The following CARMIL1 variants were observed in gnomAD, a reference collection of about 807,000 sequenced individuals.
CARMIL1 encodes capping protein regulator and myosin 1 linker 1.
CARMIL1 carries 90 observed loss-of-function variants against 177.1 expected under a neutral mutation model. The ratio of observed to expected loss-of-function variants is 0.51; its 90% CI spans 0.43 to 0.61. The LOEUF (loss-of-function observed/expected upper bound fraction) is 0.61. Ranked by LOEUF, CARMIL1 falls within the 20% of genes least tolerant of loss-of-function variation. The pLI is 0.00. For missense variants in CARMIL1, 1,380 were observed against 1,667.0 expected (o/e 0.83, Z 3.00); for synonymous variants, 577 against 606.2 (o/e 0.95, Z 0.71).
chr6:25,480,475 TTTAG>T lies in CARMIL1; in HGVS notation c.875-1776_875-1773del, dbSNP rs973811695. Among the ~76,000 whole-genome samples, 3 of 151,814 alleles carry T rather than the reference TTTAG, an allele frequency of 2.0e-5. 1 individual carries two copies. Among genetic ancestry groups the T allele is most frequent in the Admixed American group, 6.6e-5 (1 of 15,262 alleles). ...CTTATTGCAGCTACATCAGATTTCTTTTAGTTAGTGTTTGTAGCATATCTTTTTT... is the reference window on the plus strand; with the variant it reads ...CTTATTGCAGCTACATCAGATTTCTTTTAGTGTTTGTAGCATATCTTTTTT... On this transcript the variant is annotated intron_variant, in intron 11 of 36. Coordinates refer to ENST00000329474, the MANE Select transcript of CARMIL1 (RefSeq NM_017640.6).
At chr6:25,473,121 T>G (rs186219673) in intron 11 of CARMIL1, among the ~76,000 whole-genome samples, 1 of 152,334 alleles carries the variant, frequency 6.6e-6, no homozygotes, top group African/African-American at 2.4e-5. Flanking sequence ...CACAGAAGTT[T>G]GCTTTGTGTG....
chr6:25,513,574 T>C (rs1805659931), intron 20 of CARMIL1, among the ~76,000 whole-genome samples: 1 of 152,256 alleles, frequency 6.6e-6, no homozygotes, highest in South Asian at 2.1e-4. Context: ...AATGATGCTT[T>C]GTTGATATCT....
At chr6:25,434,692 C>G (rs1365306387) in intron 4 of CARMIL1, among the ~76,000 whole-genome samples, 2 of 151,584 alleles carry the variant, frequency 1.3e-5, no homozygotes, top group East Asian at 3.9e-4. Flanking sequence ...CATTACCACA[C>G]CTAGCTAATT....
At chr6:25,595,686 C>T (rs567727503) in intron 32 of CARMIL1, among the ~76,000 whole-genome samples, 45 of 152,240 alleles carry the variant, frequency 3.0e-4, no homozygotes, top group Non-Finnish European at 3.7e-4. Context: ...TTAAAGCCCA[C>T]GGAATCCTTT....
chr6:25,311,214 C>T (rs1240882522), intron 2 of CARMIL1, among the ~76,000 whole-genome samples: 3 of 151,930 alleles, frequency 2.0e-5, no homozygotes, highest in South Asian at 2.1e-4. Flanking sequence ...AAAACCATGA[C>T]GGGTTGAACG....
At chr6:25,363,383 C>A (rs1361679621) in intron 2 of CARMIL1, among the ~76,000 whole-genome samples, 2 of 133,614 alleles carry the variant, frequency 1.5e-5, no homozygotes, top group East Asian at 4.2e-4. Context: ...AAAGGCTGTT[C>A]TACACCACGG....
intron 31 of CARMIL1, among the ~76,000 whole-genome samples, chr6:25,583,973 G>GTGACTCA (rs1813380019): frequency 6.6e-6 from 1 of 151,118 alleles, no homozygotes; most frequent in Non-Finnish European, 1.5e-5. Context: ...GATAAAACTG[G>GTGACTCA]TGACTCATGG....
chr6:25,435,368 A>G (rs535751405), intron 4 of CARMIL1, 115 bp from the exon 5 acceptor site: 495 of 1,207,182 alleles, frequency 4.1e-4, no homozygotes, highest in Middle Eastern at 1.6e-3. Context: ...AGAAAAAAAA[A>G]GCTAATATTG....
intron 27 of CARMIL1, 124 bp downstream of exon 27, chr6:25,551,209 G>T: frequency 1.5e-6 from 1 of 684,368 alleles, no homozygotes; most frequent in East Asian, 2.6e-5. Flanking sequence ...TTAATAGGCA[G>T]AAACTGTATA....
chr6:25,351,503 T>C (rs1157543859), intron 2 of CARMIL1, among the ~76,000 whole-genome samples: 1 of 152,240 alleles, frequency 6.6e-6, no homozygotes, highest in Non-Finnish European at 1.5e-5. Flanking sequence ...GTGGAGAGAC[T>C]GAAAATCGTA....
intron 2 of CARMIL1, among the ~76,000 whole-genome samples, chr6:25,342,095 A>G (rs1787005795): frequency 1.3e-5 from 2 of 152,180 alleles, no homozygotes; most frequent in Admixed American, 1.3e-4. Flanking sequence ...CCACATTTAG[A>G]AGAATGTAGG....
rs544092728 is a variant in CARMIL1, at chr6:25,468,196, ATT to A, written c.690+2252_690+2253del. Among the ~76,000 whole-genome samples the A allele has an allele frequency of 2.3e-4, 33 of 141,808 alleles. No homozygotes were observed. The South Asian group carries it at 5.7e-3, about 25-fold the overall frequency. The allele number at this position is 141,808 out of a possible 152,430, so 93.0% of individuals were successfully genotyped here. A position where few individuals can be genotyped will look rare whatever the true frequency, so the allele number is the denominator to read the frequency against. The stretch of plus-strand genomic sequence containing the variant: ...TCACTATTTCTAATTTGAGTCAAGG[ATT>A]TTTAAAAAAAAAAATGGTACCGAAT... On this transcript the variant is annotated intron_variant, in intron 9 of 36. Coordinates refer to ENST00000329474, the MANE Select transcript of CARMIL1 (RefSeq NM_017640.6).
At chr6:25,339,138 A>G (rs1336397425) in intron 2 of CARMIL1, among the ~76,000 whole-genome samples, 1 of 152,202 alleles carries the variant, frequency 6.6e-6, no homozygotes, top group Non-Finnish European at 1.5e-5. Context: ...TGTTACCTGT[A>G]TTATGGACAG....
At chr6:25,593,694 A>G (rs1814543043) in intron 31 of CARMIL1, among the ~76,000 whole-genome samples, 1 of 152,122 alleles carries the variant, frequency 6.6e-6, no homozygotes, top group Non-Finnish European at 1.5e-5. Flanking sequence ...GGGCCTCCCC[A>G]TTTGGTGAAT....
intron 13 of CARMIL1, among the ~76,000 whole-genome samples, chr6:25,490,739 AAATAAATAAAT>A (rs948877120): frequency 4.0e-5 from 5 of 126,066 alleles, no homozygotes; most frequent in African/African-American, 8.3e-5. Flanking sequence ...ATAAATAAAT[AAATAAATAAAT>A]AAAAAAAAAT....
intron 24 of CARMIL1, among the ~76,000 whole-genome samples, chr6:25,533,884 G>A (rs1404237359): frequency 4.6e-5 from 7 of 151,958 alleles, no homozygotes. Flanking sequence ...GGCCTTCTGA[G>A]ATATCAGTCA....
At chr6:25,550,566 T>C (rs895400936) in intron 26 of CARMIL1, among the ~76,000 whole-genome samples, 1 of 152,156 alleles carries the variant, frequency 6.6e-6, no homozygotes, top group African/African-American at 2.4e-5. Flanking sequence ...AAACAAGTTC[T>C]TGTGGTAAGG....
At chr6:25,562,357 C>T (rs1483808150) in intron 29 of CARMIL1, among the ~76,000 whole-genome samples, 2 of 151,928 alleles carry the variant, frequency 1.3e-5, no homozygotes, top group Non-Finnish European at 2.9e-5. Context: ...AAGCAATTGT[C>T]CTGCCTCAGC....
At chr6:25,350,485 A>C (rs1204179504) in intron 2 of CARMIL1, 1 of 152,220 alleles carries the variant, frequency 6.6e-6, no homozygotes, top group Non-Finnish European at 1.5e-5. Flanking sequence ...CTGCCTCCTC[A>C]GATGGGCACA....
Sources: allele counts gnomAD v4.1 joint callset (sites outside exome capture counted in the v4.1 genomes callset), GRCh38; gene constraint gnomAD v4.1.1; transcripts MANE v1.5; gene names NCBI Gene and HGNC (gene_info 2026-07-23, HGNC 2026-07-21).